Variants in IRS1 observed in about 807,000 individuals in gnomAD.
IRS1 encodes insulin receptor substrate 1.
Under a neutral mutation model 65.6 loss-of-function variants are expected in IRS1, and 34 were observed. The ratio of observed to expected loss-of-function variants is 0.52; its 90% CI spans 0.39 to 0.69. IRS1 has a LOEUF of 0.69. IRS1 is among the 30% of genes least tolerant of loss of function. The pLI is 0.00. For synonymous variants in IRS1, 699 were observed against 683.5 expected (o/e 1.02, Z -0.35); for missense variants, 1,641 against 1,720.2 (o/e 0.95, Z 0.81).
chr2:226,743,186 C>A (rs1356769612), intron 1 of IRS1, among the ~76,000 whole-genome samples: 1 of 151,984 alleles, frequency 6.6e-6, no homozygotes, highest in South Asian at 2.1e-4. Context: ...AAAAAAGTCC[C>A]TCTTCATTTC....
At chr2:226,756,386 C>T (rs1938800949) in intron 1 of IRS1, among the ~76,000 whole-genome samples, 1 of 152,132 alleles carries the variant, frequency 6.6e-6, no homozygotes, top group South Asian at 2.1e-4. Context: ...TATAGGTAAA[C>T]ATGAGCCCTG....
chr2:226,750,338 T>C (rs1030414969), intron 1 of IRS1, among the ~76,000 whole-genome samples: 8 of 151,816 alleles, frequency 5.3e-5, no homozygotes, highest in Non-Finnish European at 1.0e-4. Flanking sequence ...AGACTAAGCG[T>C]TCTCCTCACT....
chr2:226,780,233 A>G (rs1470016911), intron 1 of IRS1, among the ~76,000 whole-genome samples: 1 of 152,122 alleles, frequency 6.6e-6, no homozygotes, highest in East Asian at 1.9e-4. Flanking sequence ...TCTACTAAAA[A>G]TACAAAAAAT....
chr2:226,772,853 A>G (rs1939190664), intron 1 of IRS1, among the ~76,000 whole-genome samples: 1 of 152,158 alleles, frequency 6.6e-6, no homozygotes, highest in Admixed American at 6.5e-5. Flanking sequence ...TCTGTAAGAC[A>G]CTAAATTTTT....
chr2:226,776,270 T>C (rs1401477855), intron 1 of IRS1, among the ~76,000 whole-genome samples: 1 of 150,978 alleles, frequency 6.6e-6, no homozygotes, highest in Non-Finnish European at 1.5e-5. Flanking sequence ...AAGTATAAAA[T>C]AAGCAGCCAT....
At chr2:226,774,790 G>A (rs1421442919) in intron 1 of IRS1, among the ~76,000 whole-genome samples, 1 of 152,186 alleles carries the variant, frequency 6.6e-6, no homozygotes, top group South Asian at 2.1e-4. Flanking sequence ...CACAAAAGAT[G>A]TGGATGAATC....
chr2:226,752,244 G>T (rs765473207), intron 1 of IRS1, among the ~76,000 whole-genome samples: 2 of 152,028 alleles, frequency 1.3e-5, no homozygotes, highest in Non-Finnish European at 2.9e-5. Flanking sequence ...TGACTCAAAG[G>T]TACCAAAATT....
At position 226,789,617 on chromosome 2, in the gene IRS1, C is replaced by G. The variant is rs565194806; in HGVS notation, c.*21+5372G>C. Among the ~76,000 whole-genome samples the G allele has an allele frequency of 2.0e-5, 3 of 152,294 alleles. No homozygotes were observed. In the South Asian group the frequency reaches 6.2e-4, roughly 32 times the overall value. ...ATGAGACACATTATCCACAAACACA[C>G]CACCCCTGAAAAAGAGGTGATTTCC... On this transcript the variant is annotated intron_variant, in intron 1 of 1. Transcript: ENST00000305123.
chr2:226,756,674 A>G (rs984134954), intron 1 of IRS1, among the ~76,000 whole-genome samples: 2 of 152,184 alleles, frequency 1.3e-5, no homozygotes, highest in African/African-American at 4.8e-5. Context: ...TTAAAATACA[A>G]TGGCTCTGGC....
rs1186699163 is a variant in IRS1, at chr2:226,733,210, C to A, written c.*3062G>T. The A allele has an allele frequency of 6.6e-6, 1 of 152,096 alleles. No homozygotes were observed. Among genetic ancestry groups the A allele is most frequent in the East Asian group, 1.9e-4 (1 of 5,192 alleles). 9.4% of individuals were successfully genotyped at this position (152,096 alleles called of 1,614,324 possible). ...CATACAGAAAAATTGTTTCTTAATACTTCAAATGTCTCAAATTTAAATGAT... is the reference window on the plus strand; with the variant it reads ...CATACAGAAAAATTGTTTCTTAATAATTCAAATGTCTCAAATTTAAATGAT... On this transcript the variant is annotated 3_prime_UTR_variant, in exon 2 of 2. Transcript: ENST00000305123.
In IRS1 at chr2:226,763,623, G is replaced by A. The variant is rs116858632; in HGVS notation, c.*22-27373C>T. Reference sequence around the variant, plus strand: ...CTACATTCCAAAATATTAGGTCATGGTGAGTGCATCCCATTGCCAATGGCC... The same window carrying A: ...CTACATTCCAAAATATTAGGTCATGATGAGTGCATCCCATTGCCAATGGCC... On this transcript the variant is annotated intron_variant, in intron 1 of 1. Coordinates refer to ENST00000305123, the MANE Select transcript of IRS1 (RefSeq NM_005544.3). 1.2e-4 allele frequency among the ~76,000 whole-genome samples: 19 copies of A among 152,292 alleles called. No homozygotes were observed. The East Asian group carries it at 3.5e-3, about 28-fold the overall frequency.
At chr2:226,766,939 A>T (rs1284985976) in intron 1 of IRS1, among the ~76,000 whole-genome samples, 1 of 152,192 alleles carries the variant, frequency 6.6e-6, no homozygotes, top group Non-Finnish European at 1.5e-5. Flanking sequence ...TTAACACCTA[A>T]AAGCAAATGG....
chr2:226,776,865 C>T (rs964182055), intron 1 of IRS1, among the ~76,000 whole-genome samples: 41 of 152,316 alleles, frequency 2.7e-4, no homozygotes, highest in African/African-American at 9.1e-4. Flanking sequence ...AAGATCACAT[C>T]ACTGCACTCC....
At chr2:226,766,134 TATATATATATATA>T (rs1939029846) in intron 1 of IRS1, among the ~76,000 whole-genome samples, 5 of 3,626 alleles carry the variant, frequency 1.4e-3, no homozygotes, top group Non-Finnish European at 1.6e-3. Flanking sequence ...TATATATATA[TATATATATATATA>T]TATATATATA....
In IRS1 at chr2:226,798,928, C is replaced by A. The variant is rs1031368543; in HGVS notation, c.-190G>T. The A allele has an allele frequency of 4.1e-6, 6 of 1,460,948 alleles. No individual in the cohort carries two copies. In the South Asian group the frequency reaches 8.7e-5, roughly 21 times the overall value. 90.5% of individuals were successfully genotyped at this position (1,460,948 alleles called of 1,614,324 possible). A position where few individuals can be genotyped will look rare whatever the true frequency, so the allele number is the denominator to read the frequency against. On this transcript the variant is annotated 5_prime_UTR_variant, in exon 1 of 2. Transcript: ENST00000305123. The surrounding 1 kb of genome is among the most constrained non-coding windows in gnomAD (Gnocchi z 9.4). The stretch of plus-strand genomic sequence containing the variant: ...TGAAGGAGGACGCAGCTGCTGAGCC[C>A]AGGAGAGAGCCCGACCGGAGTTTTC...
chr2:226,773,520 A>G (rs1407472946), intron 1 of IRS1, among the ~76,000 whole-genome samples: 2 of 152,144 alleles, frequency 1.3e-5, no homozygotes, highest in Non-Finnish European at 2.9e-5. Context: ...CAACAAGCTG[A>G]GACAATTTCG....
In IRS1 at chr2:226,794,339, C is replaced by T. The variant is rs111263348; in HGVS notation, c.*21+650G>A. Among the ~76,000 whole-genome samples, 98 of 152,258 alleles carry T rather than the reference C, an allele frequency of 6.4e-4. No homozygotes were observed. The highest frequency in any genetic ancestry group is 2.1e-3 in the African/African-American group (86 of 41,552). On this transcript the variant is annotated intron_variant, in intron 1 of 1. Coordinates refer to ENST00000305123, the MANE Select transcript of IRS1 (RefSeq NM_005544.3). This position sits in a 1 kb window ranked among gnomAD's most constrained non-coding sequence, Gnocchi z 4.1. Reference sequence around the variant, plus strand: ...TCCTGGTACATGAACAAAAGGAGAACGTCACCCATAATTACTTTCTTGAGA... The same window carrying T: ...TCCTGGTACATGAACAAAAGGAGAATGTCACCCATAATTACTTTCTTGAGA...
In IRS1 at chr2:226,735,656, C is replaced by A. The variant is rs1339369105; in HGVS notation, c.*616G>T. 6.6e-6 allele frequency: 1 copy of A among 152,592 alleles called. No homozygotes were observed. Among genetic ancestry groups the A allele is most frequent in the South Asian group, 2.1e-4 (1 of 4,830 alleles). 9.5% of individuals were successfully genotyped at this position (152,592 alleles called of 1,614,324 possible). Reference sequence around the variant, plus strand: ...ACAATCTTAAAACAAGGATCATACCCTATTCTACTCTTTTAAGCCTTGTTT... The same window carrying A: ...ACAATCTTAAAACAAGGATCATACCATATTCTACTCTTTTAAGCCTTGTTT... On this transcript the variant is annotated 3_prime_UTR_variant, in exon 2 of 2. Coordinates refer to ENST00000305123, the MANE Select transcript of IRS1 (RefSeq NM_005544.3).
At chr2:226,766,140 TATATATATATATA>T (rs1559151938) in intron 1 of IRS1, among the ~76,000 whole-genome samples, 99 of 4,242 alleles carry the variant, frequency 0.023, 10 homozygotes, top group Non-Finnish European at 0.053. Flanking sequence ...TATATATATA[TATATATATATATA>T]TATATATATA....
Sources: gnomAD v4.1 joint callset for allele counts (sites outside exome capture counted in the v4.1 genomes callset) on GRCh38, gnomAD v4.1.1 for gene constraint, Gnocchi (gnomAD v3.1) non-coding constraint, MANE v1.5 for transcripts, NCBI Gene and HGNC (gene_info 2026-07-23, HGNC 2026-07-21) for gene names.